Variants in CSMD3 observed in about 807,000 individuals in gnomAD.
CSMD3 encodes the protein CUB and sushi domain-containing protein 3.
In CSMD3, 177 loss-of-function variants were observed where a neutral mutation model predicts 435.2. The observed-to-expected ratio is 0.41, with a 90% CI of 0.36 to 0.46. The LOEUF (loss-of-function observed/expected upper bound fraction) is 0.46, where lower values mean the gene tolerates loss of function less well. Ranked by LOEUF, CSMD3 falls within the 20% of genes least tolerant of loss-of-function variation. The pLI, the probability that CSMD3 is intolerant of heterozygous loss-of-function variation, is 0.34. For synonymous variants in CSMD3, 1,656 were observed against 1,520.5 expected (o/e 1.09, Z -2.07); for missense variants, 4,265 against 4,504.6 (o/e 0.95, Z 1.52).
At chr8:112,332,113 A>T (rs1446537719) in intron 45 of CSMD3, among the ~76,000 whole-genome samples, 3 of 152,186 alleles carry the variant, frequency 2.0e-5, no homozygotes, top group Non-Finnish European at 4.4e-5. Context: ...ACTAAAATAC[A>T]ATCAGTCAAT....
intron 23 of CSMD3, among the ~76,000 whole-genome samples, chr8:112,581,669 C>T (rs568827085): frequency 2.6e-5 from 4 of 152,066 alleles, no homozygotes; most frequent in African/African-American, 9.6e-5. Flanking sequence ...AAGCATTGTT[C>T]CTAGATGCTG....
intron 5 of CSMD3, among the ~76,000 whole-genome samples, chr8:113,038,321 T>C (rs1003498530): frequency 6.6e-6 from 1 of 152,168 alleles, no homozygotes; most frequent in African/African-American, 2.4e-5. Flanking sequence ...ATCGTGCTTA[T>C]ATTGAGGTAT....
intron 15 of CSMD3, 75 bp downstream of exon 15, chr8:112,685,331 A>AAT (rs1432442649): frequency 5.0e-6 from 6 of 1,201,564 alleles, no homozygotes; most frequent in Non-Finnish European, 7.2e-6. Flanking sequence ...CAAGGGAACC[A>AAT]ATATACATGA....
intron 5 of CSMD3, among the ~76,000 whole-genome samples, chr8:113,095,502 A>T (rs7821294): frequency 0.67 from 102,191 of 151,994 alleles, 35,961 homozygotes; most frequent in East Asian, 0.95. Context: ...ACATCCAGTG[A>T]TCAGTTTTGG....
At chr8:112,817,637 T>C (rs529722529) in intron 12 of CSMD3, among the ~76,000 whole-genome samples, 1 of 151,812 alleles carries the variant, frequency 6.6e-6, no homozygotes, top group African/African-American at 2.4e-5. Context: ...GTAACTCTAA[T>C]GGTGTGAAAA....
chr8:113,201,546 T>A (rs2092716084), intron 3 of CSMD3, among the ~76,000 whole-genome samples: 1 of 152,004 alleles, frequency 6.6e-6, no homozygotes, highest in South Asian at 2.1e-4. Flanking sequence ...GAATCCATCA[T>A]AAAATACAAA....
Position 113,046,107 on chromosome 8 carries a change from T to G in CSMD3, c.918-26928A>C, listed in dbSNP as rs1344127095. Among the ~76,000 whole-genome samples, 5 of 149,268 alleles carry G rather than the reference T, an allele frequency of 3.3e-5. No homozygotes were observed. The East Asian group carries it at 7.7e-4, about 23-fold the overall frequency. On this transcript the variant is annotated intron_variant, in intron 5 of 70. Transcript: ENST00000297405. ...TCATGTGGTCTATCGGGAAGTACCC[T>G]CAGCCTGGCAAGCGCTTCCACTATT... is the stretch of plus-strand genomic sequence containing the variant.
intron 37 of CSMD3, among the ~76,000 whole-genome samples, chr8:112,382,787 C>T (rs1481463651): frequency 6.6e-6 from 1 of 152,090 alleles, no homozygotes; most frequent in Non-Finnish European, 1.5e-5. Context: ...GTCAGAAGTT[C>T]ACGACCCGCC....
intron 13 of CSMD3, among the ~76,000 whole-genome samples, chr8:112,714,412 C>A (rs2076679702): frequency 6.6e-6 from 1 of 152,022 alleles, no homozygotes; most frequent in African/African-American, 2.4e-5. Context: ...ACAGGAGCTC[C>A]CAGATTCATA....
chr8:112,919,531 A>G (rs757237976), intron 10 of CSMD3, among the ~76,000 whole-genome samples: 1 of 151,782 alleles, frequency 6.6e-6, no homozygotes, highest in Admixed American at 6.6e-5. Context: ...CTGGTGTGAG[A>G]TTTTGTTCCT....
rs201612025 is a variant in CSMD3 at position 112,859,205 on chromosome 8, C to T, written c.1695G>A (p.Pro565=). ...ATTGTGCATTGCTGTCATACTGGAACGGAAAGTTGGGAGATGTAAAGGTAC... is the reference window on the plus strand; with the variant it reads ...ATTGTGCATTGCTGTCATACTGGAATGGAAAGTTGGGAGATGTAAAGGTAC... ...PSGTFTSPNF[P]FQYDSNAQCV... is the part of the protein sequence containing the mutation. Residue 565 remains proline, a synonymous_variant, in exon 11 of 71, where the codon CCG becomes CCA. Coordinates refer to ENST00000297405, the MANE Select transcript of CSMD3 (RefSeq NM_198123.2). 237 of 1,610,882 alleles carry T rather than the reference C, an allele frequency of 1.5e-4. 1 individual carries two copies. The East Asian group carries it at 4.9e-3, about 33-fold the overall frequency.
chr8:113,266,494 A>G (rs1331578007), intron 3 of CSMD3, among the ~76,000 whole-genome samples: 1 of 151,512 alleles, frequency 6.6e-6, no homozygotes, highest in East Asian at 1.9e-4. Context: ...TCTAAAATGT[A>G]TACAGTTCTC....
chr8:112,790,178 T>G (rs1010505280), intron 13 of CSMD3, among the ~76,000 whole-genome samples: 1 of 150,250 alleles, frequency 6.7e-6, no homozygotes, highest in South Asian at 2.2e-4. Context: ...CAAATAAATA[T>G]ACATAAAAAC....
At chr8:113,261,037 A>G (rs1413475046) in intron 3 of CSMD3, among the ~76,000 whole-genome samples, 2 of 152,090 alleles carry the variant, frequency 1.3e-5, no homozygotes, top group Non-Finnish European at 2.9e-5. Context: ...AGAAACATAC[A>G]TGTGCATGTG....
chr8:113,025,509 A>G (rs559032625), intron 5 of CSMD3, among the ~76,000 whole-genome samples: 3 of 152,268 alleles, frequency 2.0e-5, no homozygotes, highest in African/African-American at 7.2e-5. Context: ...GGCTTGCTGG[A>G]GTCCAGGACC....
At chr8:112,538,761 C>T (rs1342450441) in intron 27 of CSMD3, 2 of 151,904 alleles carry the variant, frequency 1.3e-5, no homozygotes, top group Non-Finnish European at 1.5e-5. Flanking sequence ...TTTATAAGGT[C>T]CTTACTACCC....
intron 23 of CSMD3, among the ~76,000 whole-genome samples, chr8:112,582,440 G>A (rs1830400688): frequency 6.6e-6 from 1 of 151,898 alleles, no homozygotes; most frequent in African/African-American, 2.4e-5. Flanking sequence ...AATATAGCAT[G>A]CTTGGTATAT....
At chr8:112,570,393 A>G (rs28529305) in intron 24 of CSMD3, among the ~76,000 whole-genome samples, 3,225 of 152,346 alleles carry the variant, frequency 0.021, 52 homozygotes, top group Admixed American at 0.032. Flanking sequence ...TTAGTTGCAT[A>G]TATAAACTAC....
At chr8:112,847,576 T>C (rs553392211) in intron 11 of CSMD3, among the ~76,000 whole-genome samples, 1 of 152,272 alleles carries the variant, frequency 6.6e-6, no homozygotes, top group African/African-American at 2.4e-5. Flanking sequence ...CAGCATATAA[T>C]TCCTTCTCTT....
Sources: gnomAD v4.1 joint callset for allele counts (sites outside exome capture counted in the v4.1 genomes callset) on GRCh38, gnomAD v4.1.1 for gene constraint, MANE v1.5 for transcripts, NCBI Gene and HGNC (gene_info 2026-07-23, HGNC 2026-07-21) for gene names.